The following OTOGL variants were observed in gnomAD, a reference collection of about 807,000 sequenced individuals.
OTOGL encodes the protein otogelin-like protein.
A neutral mutation model predicts 318.5 loss-of-function variants in OTOGL; 285 were observed. The observed-to-expected ratio is 0.89, with a 90% CI of 0.81 to 0.99. The LOEUF (loss-of-function observed/expected upper bound fraction) is 0.99. Among genes scored for constraint, OTOGL ranks in the 50% least tolerant of loss-of-function variants. OTOGL has a pLI of 0.00. For synonymous variants in OTOGL, 987 were observed against 936.5 expected, an observed-to-expected ratio of 1.05 and a Z score of -0.99; for missense variants, 2,899 against 2,845.6, an observed-to-expected ratio of 1.02 and a Z score of -0.43.
chr12:80,162,951 T>G (rs1431675016), intron 1 of OTOGL, among the ~76,000 whole-genome samples: 1 of 151,970 alleles, frequency 6.6e-6, no homozygotes, highest in African/African-American at 2.4e-5. Flanking sequence ...GACAGTTCTT[T>G]CAAGGAGGAA....
intron 32 of OTOGL, among the ~76,000 whole-genome samples, chr12:80,317,487 G>C (rs1301658765): frequency 2.6e-5 from 4 of 152,080 alleles, no homozygotes; most frequent in Non-Finnish European, 5.9e-5. Context: ...TTGTTTCTCT[G>C]TCTCCTTTCT....
chr12:80,311,760 T>C (rs981716517), intron 30 of OTOGL, among the ~76,000 whole-genome samples: 2 of 152,232 alleles, frequency 1.3e-5, no homozygotes, highest in Non-Finnish European at 2.9e-5. Context: ...AAACACCTGA[T>C]GGTGTCTGTT....
Position 80,250,741 on chromosome 12 carries a change from G to A in OTOGL, c.1053-952G>A, listed in dbSNP as rs549354970. Among the ~76,000 whole-genome samples the A allele has an allele frequency of 1.4e-3, 217 of 152,278 alleles. 1 individual carries two copies. The highest frequency in any genetic ancestry group is 4.5e-3 in the African/African-American group (188 of 41,548). On this transcript the variant is annotated intron_variant, in intron 11 of 58. Coordinates refer to ENST00000547103, the MANE Select transcript of OTOGL (RefSeq NM_001378609.3). ...CTTTTACAATAGTGACACTGAAAAT[G>A]TTAAGCCTCACAAAATGCAGCATTC...
chr12:80,319,125 G>GT (rs1163770181), intron 33 of OTOGL, among the ~76,000 whole-genome samples: 1 of 152,190 alleles, frequency 6.6e-6, no homozygotes, highest in African/African-American at 2.4e-5. Flanking sequence ...AAATCAGAGT[G>GT]TAGACAGTCA....
At position 80,319,187 on chromosome 12, in the gene OTOGL, C is replaced by G. The variant is rs535553407; in HGVS notation, c.3802+474C>G. ...CTTACCTGCCTTGTCTGTCCTAGTT[C>G]CTGGACATGTCCTCAGTGCCCTGAA... On this transcript the variant is annotated intron_variant, in intron 33 of 58. Coordinates refer to ENST00000547103, the MANE Select transcript of OTOGL (RefSeq NM_001378609.3). 9.2e-5 allele frequency among the ~76,000 whole-genome samples: 14 copies of G among 152,228 alleles called. No homozygotes were observed. In the South Asian group the frequency reaches 2.7e-3, roughly 29 times the overall value.
Position 80,271,743 on chromosome 12 carries a change from A to T in OTOGL, c.2614A>T (p.Asn872Tyr). 1 of 1,613,148 alleles carries T rather than the reference A, an allele frequency of 6.2e-7. No individual in the cohort carries two copies. The highest frequency in any genetic ancestry group is 8.5e-7 in the Non-Finnish European group (1 of 1,179,454). The part of the protein sequence containing the change: ...GGVNCETTCA[N>Y]LAMNFTCTPS... ...TGTTAATTGTGAGACTACATGTGCA[A>T]ACCTAGCCATGAACTTCACCTGCAC... is the stretch of plus-strand genomic sequence containing the variant. Residue 872 changes from asparagine (N) to tyrosine (Y), a missense_variant, in exon 24 of 59, where the codon AAC (asparagine) becomes TAC (tyrosine). Physicochemically the swap from Asn to Tyr is moderately radical, Grantham distance 143. Coordinates refer to ENST00000547103, the MANE Select transcript of OTOGL (RefSeq NM_001378609.3).
intron 24 of OTOGL, 52 bp downstream of exon 24, chr12:80,271,862 A>G: frequency 1.3e-6 from 2 of 1,538,252 alleles, no homozygotes; most frequent in South Asian, 1.2e-5. Flanking sequence ...TGAAAGCACA[A>G]TATCTCCTGA....
Position 80,265,067 on chromosome 12 carries a change from G to T in OTOGL, c.2081G>T (p.Ser694Ile). Residue 694 changes from serine (S) to isoleucine (I), a missense_variant, in exon 20 of 59, where the codon AGC becomes ATC. Physicochemically the swap from Ser to Ile is moderately radical, Grantham distance 142. Around this residue, in one of 3 missense-constraint regions of OTOGL, gnomAD observed 2,607 missense variants for 2,524.9 expected, o/e 1.03. Coordinates refer to ENST00000547103, the MANE Select transcript of OTOGL (RefSeq NM_001378609.3). ...ELFAPCHIYI[S>I]PGLYYQLCRH... ...TTTGCTCCTTGCCACATCTATATTA[G>T]CCCTGGGCTGTACTATCAGCTATGC... The T allele has an allele frequency of 6.2e-7, 1 of 1,613,860 alleles. No homozygotes were observed. Among genetic ancestry groups the T allele is most frequent in the Non-Finnish European group, 8.5e-7 (1 of 1,179,848 alleles).
chr12:80,308,286 C>T (rs1197655908), intron 29 of OTOGL, among the ~76,000 whole-genome samples: 2 of 151,262 alleles, frequency 1.3e-5, no homozygotes, highest in Admixed American at 6.6e-5. Context: ...CCTCACTTCT[C>T]AGACCGGGCG....
intron 26 of OTOGL, among the ~76,000 whole-genome samples, chr12:80,291,323 C>T (rs762770819): frequency 4.6e-5 from 7 of 152,126 alleles, no homozygotes; most frequent in Admixed American, 6.5e-5. Flanking sequence ...AAGTTTTAAT[C>T]GTAGTATATT....
At chr12:80,307,567 G>C (rs1180381483) in intron 29 of OTOGL, among the ~76,000 whole-genome samples, 1 of 145,180 alleles carries the variant, frequency 6.9e-6, no homozygotes, top group Non-Finnish European at 1.5e-5. Context: ...GTGGGGGGCT[G>C]ACCCCCCAAC....
At chr12:80,183,970 A>G (rs117011543) in intron 1 of OTOGL, among the ~76,000 whole-genome samples, 229 of 152,296 alleles carry the variant, frequency 1.5e-3, no homozygotes, top group Non-Finnish European at 2.9e-3. Context: ...TCTTTTATAG[A>G]AACTCTTTAT....
intron 55 of OTOGL, among the ~76,000 whole-genome samples, chr12:80,369,083 C>T: frequency 6.6e-6 from 1 of 151,818 alleles, no homozygotes; most frequent in East Asian, 1.9e-4. Context: ...TTTGTTCCTT[C>T]ACCCTTTCTT....
chr12:80,146,518 T>C (rs1242190791), intron 1 of OTOGL, among the ~76,000 whole-genome samples: 1 of 151,780 alleles, frequency 6.6e-6, no homozygotes, highest in Non-Finnish European at 1.5e-5. Flanking sequence ...TCTAAAATTC[T>C]CTTTTTTGGT....
intron 24 of OTOGL, among the ~76,000 whole-genome samples, 160 bp downstream of exon 24, chr12:80,271,970 G>T (rs899335188): frequency 3.3e-5 from 5 of 152,112 alleles, no homozygotes; most frequent in Non-Finnish European, 7.4e-5. Context: ...CTTGGCTCAT[G>T]TGACATTGTG....
At chr12:80,343,210 T>A (rs1888896579) in intron 44 of OTOGL, among the ~76,000 whole-genome samples, 1 of 151,820 alleles carries the variant, frequency 6.6e-6, no homozygotes, top group Non-Finnish European at 1.5e-5. Flanking sequence ...AAAGTATGAG[T>A]TTGCTAGGAG....
At chr12:80,114,770 T>A (rs772556103) in intron 1 of OTOGL, among the ~76,000 whole-genome samples, 2 of 152,092 alleles carry the variant, frequency 1.3e-5, no homozygotes, top group African/African-American at 2.4e-5. Flanking sequence ...GTAGGTTTGG[T>A]CTTTTCACGT....
Position 80,222,171 on chromosome 12 carries a change from T to C in OTOGL, c.415T>C (p.Tyr139His), listed in dbSNP as rs367945578. ...TTTTGAAACATTCGATGGCATCTACTATTACTTCCCAGGAAACTGTTCTTA... is the reference window on the plus strand; with the variant it reads ...TTTTGAAACATTCGATGGCATCTACCATTACTTCCCAGGAAACTGTTCTTA... The part of the protein sequence containing the change: ...YHFETFDGIY[Y>H]YFPGNCSYIF... Residue 139 changes from tyrosine (Y) to histidine (H), a missense_variant, in exon 7 of 59, where the codon TAT (tyrosine) becomes CAT (histidine). Physicochemically the swap from Tyr to His is moderately conservative, Grantham distance 83 (BLOSUM62 2). Coordinates refer to ENST00000547103, the MANE Select transcript of OTOGL (RefSeq NM_001378609.3). The C allele has an allele frequency of 4.1e-5, 66 of 1,597,786 alleles. No individual in the cohort carries two copies. The highest frequency in any genetic ancestry group is 5.4e-5 in the Non-Finnish European group (64 of 1,178,378).
intron 56 of OTOGL, 100 bp from the exon 57 acceptor site, chr12:80,371,919 T>C: frequency 1.5e-6 from 1 of 646,988 alleles, no homozygotes. Context: ...CTTTGTGGTA[T>C]TTGATAAAAG....
Sources: gnomAD v4.1 joint callset for allele counts (sites outside exome capture counted in the v4.1 genomes callset) on GRCh38, gnomAD v4.1.1 for gene constraint, gnomAD v4.1.1 regional missense constraint, MANE v1.5 for transcripts, NCBI Gene and HGNC (gene_info 2026-07-23, HGNC 2026-07-21) for gene names.